The following CRTAM variants were observed in gnomAD, a reference collection of about 807,000 sequenced individuals.
CRTAM encodes cytotoxic and regulatory T-cell molecule.
A neutral mutation model predicts 50.0 loss-of-function variants in CRTAM; 44 were observed. That is an observed-to-expected ratio of 0.88 (90% CI 0.69 to 1.13). The LOEUF (loss-of-function observed/expected upper bound fraction) is 1.13, where lower values mean the gene tolerates loss of function less well. Ranked by LOEUF, CRTAM falls within the 50% of genes most tolerant of loss-of-function variation. CRTAM has a pLI of 0.00. For missense variants in CRTAM, 448 were observed against 457.5 expected (o/e 0.98, Z 0.19); for synonymous variants, 159 against 169.3 (o/e 0.94, Z 0.47).
chr11:122,859,158 G>T (rs997431141), intron 5 of CRTAM, among the ~76,000 whole-genome samples: 15 of 151,998 alleles, frequency 9.9e-5, no homozygotes, highest in Non-Finnish European at 1.8e-4. Flanking sequence ...TTTTTGAGAT[G>T]AGTGCAGTGG....
At chr11:122,869,051 C>A (rs139453737) in intron 9 of CRTAM, among the ~76,000 whole-genome samples, 1 of 152,148 alleles carries the variant, frequency 6.6e-6, no homozygotes, top group East Asian at 1.9e-4. Context: ...GGAGAAGAAT[C>A]AAAATCTGAT....
intron 6 of CRTAM, among the ~76,000 whole-genome samples, chr11:122,862,829 G>A (rs1413961339): frequency 6.6e-6 from 1 of 152,134 alleles, no homozygotes; most frequent in African/African-American, 2.4e-5. Flanking sequence ...TCACGACTGT[G>A]ACATTTGAAT....
At chr11:122,851,570 TG>T in intron 2 of CRTAM, 122 bp from the exon 3 acceptor site, 1 of 849,348 alleles carries the variant, frequency 1.2e-6, no homozygotes, top group Non-Finnish European at 1.9e-6. Flanking sequence ...GGACAATGTC[TG>T]GAGATAGTTT....
At chr11:122,869,644 C>T (rs966327260) in intron 9 of CRTAM, among the ~76,000 whole-genome samples, 8 of 152,164 alleles carry the variant, frequency 5.3e-5, no homozygotes, top group African/African-American at 7.2e-5. Flanking sequence ...TTATTCTACC[C>T]GCCAGGAGCT....
At chr11:122,850,363 A>C in intron 2 of CRTAM, 149 bp downstream of exon 2, 4 of 702,324 alleles carry the variant, frequency 5.7e-6, no homozygotes, top group South Asian at 3.0e-5. Flanking sequence ...ACGCCTCCAA[A>C]TCCTGTTATT....
intron 1 of CRTAM, among the ~76,000 whole-genome samples, chr11:122,839,198 C>T (rs750014548): frequency 1.3e-5 from 2 of 152,144 alleles, no homozygotes; most frequent in Non-Finnish European, 2.9e-5. Context: ...TCCCAAAGTG[C>T]TGGGATTACA....
intron 1 of CRTAM, among the ~76,000 whole-genome samples, chr11:122,843,343 A>G (rs1052066506): frequency 9.2e-5 from 14 of 152,206 alleles, no homozygotes; most frequent in African/African-American, 3.4e-4. Context: ...ACATATGGTC[A>G]TGCATGGATG....
intron 7 of CRTAM, among the ~76,000 whole-genome samples, chr11:122,866,508 A>C (rs866917357): frequency 6.6e-6 from 1 of 152,138 alleles, no homozygotes; most frequent in African/African-American, 2.4e-5. Flanking sequence ...TGTTCTACAC[A>C]TAGCTGGCAC....
intron 6 of CRTAM, among the ~76,000 whole-genome samples, chr11:122,862,754 TA>T (rs1459802843): frequency 1.6e-4 from 24 of 152,202 alleles, no homozygotes; most frequent in Admixed American, 1.6e-3. Flanking sequence ...CAGGCTGACA[TA>T]AAGCTTTGCA....
At chr11:122,841,993 G>A (rs1342850391) in intron 1 of CRTAM, among the ~76,000 whole-genome samples, 2 of 152,112 alleles carry the variant, frequency 1.3e-5, no homozygotes, top group African/African-American at 4.8e-5. Context: ...GTCTTGAGTT[G>A]GGTCTTAATG....
chr11:122,865,485 C>G (rs182963887), intron 7 of CRTAM, among the ~76,000 whole-genome samples: 1 of 151,776 alleles, frequency 6.6e-6, no homozygotes, highest in Non-Finnish European at 1.5e-5. Flanking sequence ...TGCAGGGGCA[C>G]GATCATGTTC....
At chr11:122,850,469 T>C (rs1367471279) in intron 2 of CRTAM, among the ~76,000 whole-genome samples, 1 of 152,176 alleles carries the variant, frequency 6.6e-6, no homozygotes, top group African/African-American at 2.4e-5. Flanking sequence ...CACATTTCCA[T>C]GTCCCCACCC....
At chr11:122,867,875 A>G in intron 8 of CRTAM, 138 bp from the exon 9 acceptor site, 1 of 643,316 alleles carries the variant, frequency 1.6e-6, no homozygotes, top group Admixed American at 2.9e-5. Context: ...CTATGTGTTG[A>G]ATTAATGAGG....
chr11:122,854,159 C>A (rs1861973929), intron 4 of CRTAM, 73 bp downstream of exon 4: 5 of 1,502,392 alleles, frequency 3.3e-6, no homozygotes, highest in Non-Finnish European at 4.5e-6. Flanking sequence ...TGTTTTGGCA[C>A]CCTCTAGTGG....
chr11:122,855,996 A>G, intron 5 of CRTAM, 140 bp downstream of exon 5: 2 of 671,700 alleles, frequency 3.0e-6, no homozygotes, highest in South Asian at 4.4e-5. Context: ...AAATTCCTGT[A>G]CTGATTGAAA....
intron 2 of CRTAM, among the ~76,000 whole-genome samples, chr11:122,851,197 T>C (rs571742941): frequency 1.3e-3 from 190 of 150,404 alleles, no homozygotes; most frequent in Middle Eastern, 3.4e-3. Flanking sequence ...ATCTGGGAGA[T>C]GACAGTTGCA....
Position 122,864,736 on chromosome 11 carries a change from G to A in CRTAM, c.817+17G>A, listed in dbSNP as rs146995527. 2.5e-5 allele frequency: 39 copies of A among 1,574,014 alleles called. No individual in the cohort carries two copies. The highest frequency in any genetic ancestry group is 3.4e-5 in the Non-Finnish European group (39 of 1,143,998). ...TGACCACCGGTAAGTGTCACCCACT[G>A]CATTTAGAATAAACACTCGACATTT... On this transcript the variant is annotated intron_variant, in intron 7 of 9. Coordinates refer to ENST00000227348, the MANE Select transcript of CRTAM (RefSeq NM_019604.4).
intron 5 of CRTAM, among the ~76,000 whole-genome samples, chr11:122,861,342 G>A (rs1418460722): frequency 1.9e-5 from 2 of 106,978 alleles, no homozygotes; most frequent in Non-Finnish European, 3.6e-5. Flanking sequence ...CACCTGTGAC[G>A]TGTCAGTATA....
At chr11:122,867,675 T>C (rs1862197284) in intron 8 of CRTAM, 120 bp downstream of exon 8, 3 of 997,018 alleles carry the variant, frequency 3.0e-6, no homozygotes, top group Middle Eastern at 2.6e-4. Flanking sequence ...TGATAAGTGC[T>C]GTCTCAGATA....
Sources: gnomAD v4.1 joint callset for allele counts (sites outside exome capture counted in the v4.1 genomes callset) on GRCh38, gnomAD v4.1.1 for gene constraint, MANE v1.5 for transcripts, NCBI Gene and HGNC (gene_info 2026-07-23, HGNC 2026-07-21) for gene names.